NAV3: variants seen among roughly 807,000 people sequenced by gnomAD.
NAV3 encodes pore membrane and/or filament interacting like protein 1.
Under a neutral mutation model 244.7 loss-of-function variants are expected in NAV3, and 87 were observed. The ratio of observed to expected loss-of-function variants is 0.36; its 90% confidence interval spans 0.30 to 0.42. NAV3 has a LOEUF of 0.42. Among genes scored for constraint, NAV3 ranks in the 20% least tolerant of loss-of-function variants. The pLI is 1.00. For synonymous variants in NAV3, 1,126 were observed against 1,042.2 expected (o/e 1.08, Z -1.55); for missense variants, 2,663 against 2,893.3 (o/e 0.92, Z 1.83).
chr12:77,678,601 T>C (rs1172613811), intron 2 of NAV3, among the ~76,000 whole-genome samples: 1 of 152,198 alleles, frequency 6.6e-6, no homozygotes, highest in East Asian at 1.9e-4. Context: ...TGGTGCTTAC[T>C]TGTTCCATTT....
At chr12:77,600,447 C>G (rs771841) in intron 2 of NAV3, among the ~76,000 whole-genome samples, 14,013 of 151,892 alleles carry the variant, frequency 0.092, 841 homozygotes, top group African/African-American at 0.17. Context: ...TTCAAGTCTT[C>G]CCCAAGCTTT....
At chr12:77,619,040 T>C (rs17189811) in intron 2 of NAV3, among the ~76,000 whole-genome samples, 3,850 of 152,350 alleles carry the variant, frequency 0.025, 63 homozygotes, top group Middle Eastern at 0.085. Context: ...CTTCTTGTCA[T>C]AATCATTGAA....
chr12:77,618,367 AT>A (rs1304917700), intron 2 of NAV3, among the ~76,000 whole-genome samples: 1 of 152,232 alleles, frequency 6.6e-6, no homozygotes. Flanking sequence ...ATGATTTTAA[AT>A]TTATAGATAG....
At chr12:78,124,508 C>G (rs1303295879) in intron 16 of NAV3, among the ~76,000 whole-genome samples, 2 of 152,152 alleles carry the variant, frequency 1.3e-5, no homozygotes, top group Non-Finnish European at 2.9e-5. Flanking sequence ...GGCTGGAGGG[C>G]AGTGGTGCCA....
chr12:77,723,034 G>GT (rs1284565740), intron 2 of NAV3, among the ~76,000 whole-genome samples: 4 of 151,802 alleles, frequency 2.6e-5, no homozygotes, highest in South Asian at 2.1e-4. Flanking sequence ...ATTTTTGCAA[G>GT]TTTTTTTTGC....
intron 2 of NAV3, among the ~76,000 whole-genome samples, chr12:77,712,481 G>C (rs931425350): frequency 6.6e-6 from 1 of 152,122 alleles, no homozygotes; most frequent in Non-Finnish European, 1.5e-5. Context: ...TCTTTAATGA[G>C]TTAGAGACCA....
At chr12:77,998,268 T>C in intron 6 of NAV3, 69 bp from the exon 7 acceptor site, 1 of 1,220,322 alleles carries the variant, frequency 8.2e-7, no homozygotes. Context: ...TTTCTGACTT[T>C]CAGCACCTCC....
At chr12:77,684,604 T>C (rs981923457) in intron 2 of NAV3, among the ~76,000 whole-genome samples, 3 of 152,102 alleles carry the variant, frequency 2.0e-5, no homozygotes, top group Non-Finnish European at 4.4e-5. Flanking sequence ...ATTACAGGCA[T>C]AAGCCACCAT....
intron 2 of NAV3, among the ~76,000 whole-genome samples, chr12:77,595,105 C>G (rs1870108422): frequency 6.6e-6 from 1 of 152,038 alleles, no homozygotes; most frequent in South Asian, 2.1e-4. Flanking sequence ...TATCTGCACT[C>G]CCATGTTGAT....
intron 8 of NAV3, among the ~76,000 whole-genome samples, chr12:78,010,115 A>G (rs1229512271): frequency 1.3e-5 from 2 of 152,168 alleles, no homozygotes; most frequent in African/African-American, 4.8e-5. Flanking sequence ...ATAAAGTAAT[A>G]TTCATTCAAA....
At chr12:77,961,334 A>AAATATTACACATATACATATATGTAAT (rs1231048466) in intron 3 of NAV3, among the ~76,000 whole-genome samples, 36 of 86,056 alleles carry the variant, frequency 4.2e-4, no homozygotes, top group East Asian at 3.4e-3. Context: ...TATGTAATAT[A>AAATATTACACATATACATATATGTAAT]ATAAATATTA....
intron 2 of NAV3, among the ~76,000 whole-genome samples, chr12:77,755,444 C>T (rs192681179): frequency 0.013 from 2,005 of 152,008 alleles, 28 homozygotes; most frequent in Non-Finnish European, 0.022. Context: ...ATCTTCTTTT[C>T]TTTTCTTTTC....
chr12:78,018,242 A>G (rs1876560604), intron 8 of NAV3, among the ~76,000 whole-genome samples: 1 of 152,164 alleles, frequency 6.6e-6, no homozygotes, highest in South Asian at 2.1e-4. Context: ...CTACATTAAC[A>G]AAAATTTTAA....
intron 8 of NAV3, among the ~76,000 whole-genome samples, chr12:78,008,501 G>T (rs879312231): frequency 6.6e-6 from 1 of 151,912 alleles, no homozygotes; most frequent in African/African-American, 2.4e-5. Flanking sequence ...TCCCTCTTTC[G>T]GGCAGGTTGG....
chr12:77,861,075 G>C (rs755183806), intron 1 of NAV3, among the ~76,000 whole-genome samples: 11 of 151,836 alleles, frequency 7.2e-5, no homozygotes, highest in Non-Finnish European at 1.6e-4. Flanking sequence ...ATTTGCTTCA[G>C]CTGAGAGATT....
intron 2 of NAV3, among the ~76,000 whole-genome samples, chr12:77,811,762 T>G (rs1872298461): frequency 6.6e-6 from 1 of 152,018 alleles, no homozygotes; most frequent in Non-Finnish European, 1.5e-5. Flanking sequence ...GGGAAAGAAG[T>G]GGATAGGTGG....
chr12:77,969,133 G>T (rs1892772032), intron 5 of NAV3, among the ~76,000 whole-genome samples: 1 of 130,206 alleles, frequency 7.7e-6, no homozygotes, highest in Non-Finnish European at 1.7e-5. Context: ...TGGGAACATA[G>T]TGTTTTTGAT....
intron 2 of NAV3, among the ~76,000 whole-genome samples, chr12:77,806,435 T>C (rs936474819): frequency 2.6e-5 from 4 of 152,212 alleles, no homozygotes; most frequent in African/African-American, 9.6e-5. Flanking sequence ...CCAGTAGTCA[T>C]TCAGGAGCAG....
intron 2 of NAV3, among the ~76,000 whole-genome samples, chr12:77,601,480 T>G (rs1450579645): frequency 6.6e-6 from 1 of 151,982 alleles, no homozygotes; most frequent in African/African-American, 2.4e-5. Flanking sequence ...TAGGCCTCCT[T>G]GAACTTTTGA....
Sources: gnomAD v4.1 joint callset for allele counts (sites outside exome capture counted in the v4.1 genomes callset) on GRCh38, gnomAD v4.1.1 for gene constraint, MANE v1.5 for transcripts, NCBI Gene and HGNC (gene_info 2026-07-23, HGNC 2026-07-21) for gene names.